SAMD5: variants seen among roughly 807,000 people sequenced by gnomAD.
SAMD5 encodes sterile alpha motif domain-containing protein 5.
In SAMD5, 13 loss-of-function variants were observed where a neutral mutation model predicts 11.3. That is an observed-to-expected ratio of 1.15 (90% CI 0.75 to 1.83). The LOEUF (loss-of-function observed/expected upper bound fraction) is 1.83, where lower values mean the gene tolerates loss of function less well. Among genes scored for constraint, SAMD5 ranks in the 40% most tolerant of loss-of-function variants. The pLI is 0.00. For missense variants in SAMD5, 255 were observed against 239.1 expected, an observed-to-expected ratio of 1.07 and a Z score of -0.44; for synonymous variants, 129 against 111.3, an observed-to-expected ratio of 1.16 and a Z score of -1.00.
chr6:147,842,900 C>T, the SAMD5 span, among the ~76,000 whole-genome samples: 6 of 152,156 alleles, frequency 3.9e-5, no homozygotes, highest in Non-Finnish European at 8.8e-5. Flanking sequence ...GTCTCTGCCA[C>T]CCAGGCTGGA....
Position 147,508,795 on chromosome 6 carries a change from T to G in SAMD5, c.-134T>G, listed in dbSNP as rs917487719. On this transcript the variant is annotated 5_prime_UTR_variant, in exon 1 of 2. Coordinates refer to ENST00000367474, the MANE Select transcript of SAMD5 (RefSeq NM_001030060.3). ...GGTTTTCCGTCTCCTGCCCGAGCCT[T>G]TCCTTTAAAAGGAAAACTTTACTGC... is the stretch of plus-strand genomic sequence containing the variant. 6.5e-6 allele frequency: 9 copies of G among 1,375,876 alleles called. No individual in the cohort carries two copies. The Admixed American group carries it at 2.3e-4, about 36-fold the overall frequency. 85.2% of individuals were successfully genotyped at this position (1,375,876 alleles called of 1,614,324 possible).
At chr6:147,929,784 A>C in the SAMD5 span, among the ~76,000 whole-genome samples, 67 of 152,308 alleles carry the variant, frequency 4.4e-4, no homozygotes, top group African/African-American at 1.5e-3. Flanking sequence ...TGGGGGGGAA[A>C]GTACAGCTCT....
chr6:147,768,163 C>T, the SAMD5 span, among the ~76,000 whole-genome samples: 1 of 152,056 alleles, frequency 6.6e-6, no homozygotes, highest in Admixed American at 6.6e-5. Context: ...GCTAGGTGTA[C>T]CAATCTTCAA....
chr6:147,698,972 G>C (rs1042600086), intron 1 of SAMD5, among the ~76,000 whole-genome samples: 2 of 152,162 alleles, frequency 1.3e-5, no homozygotes, highest in African/African-American at 4.8e-5. Flanking sequence ...AAGGAGGCTG[G>C]TGTGGCTGGC....
chr6:147,641,722 A>T (rs1196107430), intron 1 of SAMD5, among the ~76,000 whole-genome samples: 2 of 152,172 alleles, frequency 1.3e-5, no homozygotes, highest in Non-Finnish European at 2.9e-5. Context: ...CAGCGGTCTC[A>T]AAACTCCGCT....
chr6:147,696,471 C>T (rs1048092341), intron 1 of SAMD5, among the ~76,000 whole-genome samples: 6 of 152,176 alleles, frequency 3.9e-5, no homozygotes, highest in Non-Finnish European at 7.3e-5. Context: ...ACCCAGGCCT[C>T]CCTGGTCACC....
the SAMD5 span, among the ~76,000 whole-genome samples, chr6:147,920,653 T>A: frequency 6.6e-6 from 1 of 152,166 alleles, no homozygotes; most frequent in Admixed American, 6.5e-5. Flanking sequence ...CTTCAATTTT[T>A]AAAAAATAAT....
chr6:147,671,423 A>G (rs571724804), intron 1 of SAMD5, among the ~76,000 whole-genome samples: 38 of 152,356 alleles, frequency 2.5e-4, no homozygotes, highest in African/African-American at 9.1e-4. Context: ...AAAGCACAAT[A>G]AAATGAAGTA....
chr6:147,685,141 C>A (rs913994762), intron 1 of SAMD5, among the ~76,000 whole-genome samples: 1 of 152,104 alleles, frequency 6.6e-6, no homozygotes, highest in African/African-American at 2.4e-5. Flanking sequence ...TGGCTTATTC[C>A]TCCATACTTC....
chr6:147,817,894 T>A, the SAMD5 span, among the ~76,000 whole-genome samples: 1 of 152,196 alleles, frequency 6.6e-6, no homozygotes, highest in Non-Finnish European at 1.5e-5. Context: ...CCAGTTGGAG[T>A]TCTAATAATA....
the SAMD5 span, among the ~76,000 whole-genome samples, chr6:147,845,956 C>T: frequency 1.3e-5 from 2 of 152,102 alleles, no homozygotes; most frequent in Admixed American, 1.3e-4. Context: ...GCAATTGCTA[C>T]AAGTTAGAAA....
At chr6:147,573,806 G>A (rs1789173509), downstream of SAMD5, among the ~76,000 whole-genome samples, 1 of 152,128 alleles carries the variant, frequency 6.6e-6, no homozygotes. Context: ...AATGAAAATT[G>A]TTTTCAAGAT....
chr6:147,830,259 T>C, the SAMD5 span, among the ~76,000 whole-genome samples: 8 of 131,876 alleles, frequency 6.1e-5, no homozygotes, highest in African/African-American at 9.1e-5. Flanking sequence ...TTCTTTTTTT[T>C]TTTTTTTTTT....
At chr6:147,860,947 T>C in the SAMD5 span, among the ~76,000 whole-genome samples, 1 of 152,188 alleles carries the variant, frequency 6.6e-6, no homozygotes, top group Non-Finnish European at 1.5e-5. Context: ...AATACGTGGA[T>C]AGTTGAACTG....
chr6:147,590,145 G>T (rs982163328), intron 1 of SAMD5, among the ~76,000 whole-genome samples: 1 of 152,170 alleles, frequency 6.6e-6, no homozygotes, highest in Non-Finnish European at 1.5e-5. Context: ...GCAGAGAAGG[G>T]AGGTTTATTT....
intron 1 of SAMD5, among the ~76,000 whole-genome samples, chr6:147,702,725 G>A (rs1757403024): frequency 6.6e-6 from 1 of 152,108 alleles, no homozygotes; most frequent in African/African-American, 2.4e-5. Flanking sequence ...TCCTAATACT[G>A]TTCCATTAAG....
the SAMD5 span, among the ~76,000 whole-genome samples, chr6:147,822,874 G>A: frequency 6.6e-6 from 1 of 152,152 alleles, no homozygotes; most frequent in Non-Finnish European, 1.5e-5. Flanking sequence ...GAGTGCAGTG[G>A]CACGATCTCA....
chr6:147,898,325 T>C, the SAMD5 span, among the ~76,000 whole-genome samples: 546 of 152,224 alleles, frequency 3.6e-3, 3 homozygotes, highest in African/African-American at 0.012. Flanking sequence ...CTCAGTGAGC[T>C]ACCAGTGAAT....
At chr6:147,693,508 G>A (rs1471830173) in intron 1 of SAMD5, among the ~76,000 whole-genome samples, 2 of 152,244 alleles carry the variant, frequency 1.3e-5, no homozygotes, top group Non-Finnish European at 2.9e-5. Flanking sequence ...TCCAGTGGGG[G>A]CTAGAAACCT....
Sources: gnomAD v4.1 joint callset for allele counts (sites outside exome capture counted in the v4.1 genomes callset) on GRCh38, gnomAD v4.1.1 for gene constraint, MANE v1.5 for transcripts, NCBI Gene and HGNC (gene_info 2026-07-23, HGNC 2026-07-21) for gene names.